The following TCF7L2 variants were observed in gnomAD, a reference collection of about 807,000 sequenced individuals.
TCF7L2 encodes transcription factor 7-like 2.
TCF7L2 carries 23 observed loss-of-function variants against 77.9 expected under a neutral mutation model. That is an observed-to-expected ratio of 0.30 (90% CI 0.21 to 0.42). TCF7L2 has a LOEUF of 0.42. TCF7L2 is among the 10% of genes least tolerant of loss of function. The pLI is 1.00. For missense variants in TCF7L2, 654 were observed against 793.1 expected (o/e 0.82, Z 2.11); for synonymous variants, 413 against 340.2 (o/e 1.21, Z -2.36).
intron 5 of TCF7L2, among the ~76,000 whole-genome samples, chr10:113,077,045 G>C (rs1429844931): frequency 6.6e-6 from 1 of 152,186 alleles, no homozygotes; most frequent in Non-Finnish European, 1.5e-5. Context: ...TCTGGCAAGA[G>C]CTAGTTATCA....
intron 5 of TCF7L2, among the ~76,000 whole-genome samples, chr10:113,093,625 G>T (rs1333904641): frequency 6.6e-6 from 1 of 152,124 alleles, no homozygotes; most frequent in Non-Finnish European, 1.5e-5. Flanking sequence ...GGGAATTAAG[G>T]TTGGTAGACC....
chr10:112,965,667 G>C (rs971782458), intron 4 of TCF7L2, among the ~76,000 whole-genome samples: 1 of 141,618 alleles, frequency 7.1e-6, no homozygotes, highest in Non-Finnish European at 1.5e-5. Context: ...GTGTGTGTGT[G>C]TGTGTGTGTG....
chr10:112,969,405 G>T (rs1307299677), intron 4 of TCF7L2, among the ~76,000 whole-genome samples: 1 of 152,180 alleles, frequency 6.6e-6, no homozygotes, highest in Non-Finnish European at 1.5e-5. Context: ...TATTTGGAGT[G>T]CTTCCAGTTT....
intron 5 of TCF7L2, chr10:113,129,775 A>T: frequency 7.9e-7 from 1 of 1,269,504 alleles, no homozygotes; most frequent in Admixed American, 2.6e-5. Context: ...AAAAGCAGAA[A>T]GGGAGGAGGA....
intron 8 of TCF7L2, among the ~76,000 whole-genome samples, chr10:113,150,761 G>T (rs948568831): frequency 6.6e-6 from 1 of 152,190 alleles, no homozygotes; most frequent in South Asian, 2.1e-4. Context: ...TTTTGCTAAA[G>T]ATGTTAAAAA....
intron 5 of TCF7L2, among the ~76,000 whole-genome samples, chr10:113,110,124 A>C (rs934010532): frequency 6.6e-6 from 1 of 152,164 alleles, no homozygotes; most frequent in Non-Finnish European, 1.5e-5. Context: ...TCTTCCTCTG[A>C]ATTTGGGAAG....
rs573994792 is a variant in TCF7L2, at chr10:112,990,593, G to C, written c.450+25969G>C. On this transcript the variant is annotated intron_variant, in intron 4 of 13. Transcript: ENST00000627217. ...ATGGTGGTGCATGCCTGTAGTCCCA[G>C]CTACTGGGGAGGCTGAGGTGGGCGG... 5.3e-5 allele frequency among the ~76,000 whole-genome samples: 8 copies of C among 152,220 alleles called. No individual in the cohort carries two copies. In the East Asian group the frequency reaches 1.5e-3, roughly 29 times the overall value.
At chr10:113,088,175 G>A (rs2060022856) in intron 5 of TCF7L2, among the ~76,000 whole-genome samples, 1 of 151,898 alleles carries the variant, frequency 6.6e-6, no homozygotes, top group Non-Finnish European at 1.5e-5. Context: ...TTATTTCTTG[G>A]TTGTGAAATC....
At chr10:113,101,768 A>G (rs1173531844) in intron 5 of TCF7L2, among the ~76,000 whole-genome samples, 2 of 143,754 alleles carry the variant, frequency 1.4e-5, no homozygotes, top group Admixed American at 7.4e-5. Flanking sequence ...GCGTGAACCC[A>G]GGACGGGGAG....
chr10:112,966,211 T>TATATA (rs57702716), intron 4 of TCF7L2, among the ~76,000 whole-genome samples: 6 of 137,486 alleles, frequency 4.4e-5, no homozygotes, highest in Non-Finnish European at 6.1e-5. Flanking sequence ...TATATATATA[T>TATATA]TTTCTTTTCT....
chr10:112,968,244 A>T (rs2037443362), intron 4 of TCF7L2, among the ~76,000 whole-genome samples: 1 of 152,152 alleles, frequency 6.6e-6, no homozygotes, highest in Non-Finnish European at 1.5e-5. Context: ...AACCACATGG[A>T]TCCACTTAGA....
At chr10:113,020,305 G>A (rs2048074279) in intron 4 of TCF7L2, among the ~76,000 whole-genome samples, 1 of 152,180 alleles carries the variant, frequency 6.6e-6, no homozygotes, top group South Asian at 2.1e-4. Context: ...CTGATGGGAG[G>A]CAGCTGGGAA....
chr10:112,963,032 C>T (rs146751111), intron 3 of TCF7L2, among the ~76,000 whole-genome samples: 7 of 152,122 alleles, frequency 4.6e-5, no homozygotes, highest in African/African-American at 1.2e-4. Context: ...CCACCTACTT[C>T]ATTGTGTCTC....
chr10:113,142,859 A>G (rs1220962856), intron 6 of TCF7L2, among the ~76,000 whole-genome samples: 1 of 152,204 alleles, frequency 6.6e-6, no homozygotes, highest in Non-Finnish European at 1.5e-5. Flanking sequence ...CATTCTTTCA[A>G]GTGTGCAAAT....
chr10:113,165,867 C>G lies in TCF7L2; in HGVS notation c.1704C>G (p.Pro568=). The change falls in exon 14 of 14, where the codon CCC becomes CCG. Residue 568 remains proline (P), a synonymous_variant. Coordinates refer to ENST00000627217, the MANE Select transcript of TCF7L2 (RefSeq NM_001146274.2). ...CAGCCGCTTTGCAGCCTGCCGCCCC[C>G]TCCTCATCAATTGCACAGCCGTCGA... is the stretch of plus-strand genomic sequence containing the variant. 2 of 1,607,514 alleles carry G rather than the reference C, an allele frequency of 1.2e-6. No individual in the cohort carries two copies. Among genetic ancestry groups the G allele is most frequent in the African/African-American group, 1.3e-5 (1 of 74,834 alleles).
chr10:113,120,493 C>T (rs978303893), intron 5 of TCF7L2, among the ~76,000 whole-genome samples: 1 of 152,134 alleles, frequency 6.6e-6, no homozygotes, highest in Non-Finnish European at 1.5e-5. Context: ...AATACAGCAT[C>T]ATTTGAAATG....
intron 4 of TCF7L2, among the ~76,000 whole-genome samples, chr10:112,981,643 G>A (rs571815907): frequency 4.3e-4 from 65 of 152,344 alleles, no homozygotes; most frequent in African/African-American, 1.5e-3. Context: ...TGACTTAAAT[G>A]TGACGGGAAC....
intron 5 of TCF7L2, among the ~76,000 whole-genome samples, chr10:113,127,244 T>A (rs1215832272): frequency 5.7e-5 from 1 of 17,476 alleles, no homozygotes; most frequent in Non-Finnish European, 1.1e-4. Context: ...GGGTTTCGGG[T>A]TTTTTTTTTT....
chr10:113,101,034 C>T (rs2135887505), intron 5 of TCF7L2, among the ~76,000 whole-genome samples: 1 of 152,128 alleles, frequency 6.6e-6, no homozygotes, highest in East Asian at 1.9e-4. Flanking sequence ...GAGATCGCGC[C>T]ATTGCACTCC....
Sources: allele counts gnomAD v4.1 joint callset (sites outside exome capture counted in the v4.1 genomes callset), GRCh38; gene constraint gnomAD v4.1.1; transcripts MANE v1.5; gene names NCBI Gene and HGNC (gene_info 2026-07-23, HGNC 2026-07-21).